The following MAD1L1 variants were observed in gnomAD, a reference collection of about 807,000 sequenced individuals.
MAD1L1 encodes the protein mitotic arrest deficient 1 like 1.
Under a neutral mutation model 96.9 loss-of-function variants are expected in MAD1L1, and 95 were observed. The ratio of observed to expected loss-of-function variants is 0.98; its 90% CI spans 0.83 to 1.16. The LOEUF (loss-of-function observed/expected upper bound fraction) is 1.16. Among genes scored for constraint, MAD1L1 ranks in the 50% most tolerant of loss-of-function variants. MAD1L1 has a pLI of 0.00. For synonymous variants in MAD1L1, 473 were observed against 396.6 expected (o/e 1.19, Z -2.29); for missense variants, 1,007 against 954.4 (o/e 1.06, Z -0.73).
chr7:2,216,260 C>G lies in MAD1L1; in HGVS notation c.706G>C (p.Glu236Gln). 2 of 1,614,122 alleles carry G rather than the reference C, an allele frequency of 1.2e-6. No individual in the cohort carries two copies. The highest frequency in any genetic ancestry group is 2.2e-5 in the East Asian group (1 of 44,886). Reference protein sequence around the residue: ...KDLEQKLSLQEQDAAIVKNMK... With the variant: ...KDLEQKLSLQQQDAAIVKNMK... ...TTCTTCACAATCGCTGCATCCTGCTCTTGCAGGGACAGCTTCTGCTCCAGA... is the reference window on the plus strand; with the variant it reads ...TTCTTCACAATCGCTGCATCCTGCTGTTGCAGGGACAGCTTCTGCTCCAGA... Residue 236 changes from glutamate (E) to glutamine (Q), a missense_variant, in exon 8 of 19, where the codon GAG becomes CAG. Transcript: ENST00000265854.
intron 13 of MAD1L1, among the ~76,000 whole-genome samples, chr7:2,013,530 G>A (rs540031793): frequency 8.5e-5 from 13 of 152,338 alleles, no homozygotes; most frequent in Admixed American, 6.5e-4. Context: ...AGCGAAATTC[G>A]GATCACAACG....
intron 18 of MAD1L1, among the ~76,000 whole-genome samples, chr7:1,865,860 C>T (rs1374210334): frequency 3.9e-5 from 6 of 152,192 alleles, no homozygotes; most frequent in Non-Finnish European, 8.8e-5. Context: ...CTGGGGGCTT[C>T]GGGGCTCCAC....
chr7:1,876,566 G>GGAA (rs1293364733), intron 18 of MAD1L1, among the ~76,000 whole-genome samples: 2 of 152,126 alleles, frequency 1.3e-5, no homozygotes, highest in Admixed American at 6.6e-5. Flanking sequence ...CCAGGAAGGG[G>GGAA]GAAGAGGGTG....
intron 11 of MAD1L1, among the ~76,000 whole-genome samples, chr7:2,091,541 C>T (rs528367587): frequency 5.3e-4 from 81 of 152,278 alleles, no homozygotes; most frequent in African/African-American, 1.9e-3. Context: ...TTTGGGAGGC[C>T]GAGGTGGGCG....
chr7:2,149,567 G>A (rs568310405), intron 10 of MAD1L1, among the ~76,000 whole-genome samples: 4 of 152,326 alleles, frequency 2.6e-5, no homozygotes, highest in Non-Finnish European at 4.4e-5. Flanking sequence ...CCCTGGCACA[G>A]GGGAGGTGCT....
In MAD1L1 at chr7:1,968,975, G is replaced by A. The variant is rs575835580; in HGVS notation, c.1506-11256C>T. Among the ~76,000 whole-genome samples, 4 of 152,362 alleles carry A rather than the reference G, an allele frequency of 2.6e-5. No individual in the cohort carries two copies. The highest frequency in any genetic ancestry group is 2.1e-4 in the South Asian group (1 of 4,832). ...CGCCGGTGACGAGCACCATGGCAGC[G>A]TGAGATGTCAACAGCGAGAGAAACC... On this transcript the variant is annotated intron_variant, in intron 15 of 18. Transcript: ENST00000265854. The surrounding 1 kb of genome is among the most constrained non-coding windows in gnomAD (Gnocchi z 5.6).
chr7:2,071,136 T>A (rs10270935), intron 11 of MAD1L1, among the ~76,000 whole-genome samples: 6,988 of 152,038 alleles, frequency 0.046, 256 homozygotes, highest in African/African-American at 0.096. Context: ...GCTGGGGGGA[T>A]GGCACTTTCT....
At chr7:1,818,670 C>G (rs919156672) in intron 18 of MAD1L1, among the ~76,000 whole-genome samples, 1 of 152,102 alleles carries the variant, frequency 6.6e-6, no homozygotes, top group Non-Finnish European at 1.5e-5. Context: ...CTGCCCACGA[C>G]GTGAGGATTA....
chr7:2,123,653 G>T (rs1011413620), intron 11 of MAD1L1, among the ~76,000 whole-genome samples: 7 of 152,186 alleles, frequency 4.6e-5, no homozygotes, highest in Non-Finnish European at 1.0e-4. Context: ...GAGGACTCAC[G>T]GGGACATGCG....
chr7:2,014,657 G>A lies in MAD1L1; in HGVS notation c.1219-15C>T, dbSNP rs765953176. ...CCGTCCCGCTCCTGTGGACACAGAG[G>A]GCAGCTGATCAGGACCCGGGACGGG... is the stretch of plus-strand genomic sequence containing the variant. On this transcript the variant is annotated splice_polypyrimidine_tract_variant and intron_variant, in intron 12 of 18. Coordinates refer to ENST00000265854, the MANE Select transcript of MAD1L1 (RefSeq NM_001013836.2). 2 of 1,601,930 alleles carry A rather than the reference G, an allele frequency of 1.2e-6. No homozygotes were observed. Among genetic ancestry groups the A allele is most frequent in the African/African-American group, 1.3e-5 (1 of 74,692 alleles).
chr7:1,938,746 G>GCA (rs71023370), intron 16 of MAD1L1, among the ~76,000 whole-genome samples: 3,232 of 99,610 alleles, frequency 0.032, 58 homozygotes, highest in Non-Finnish European at 0.053. Context: ...AGGCGCGCAC[G>GCA]CACACACACA....
At chr7:1,865,164 C>T (rs964061378) in intron 18 of MAD1L1, among the ~76,000 whole-genome samples, 2 of 152,308 alleles carry the variant, frequency 1.3e-5, no homozygotes, top group Middle Eastern at 3.4e-3. Flanking sequence ...GGGGCACATG[C>T]GTGAGGCGTG....
intron 11 of MAD1L1, among the ~76,000 whole-genome samples, chr7:2,097,436 G>A (rs900630355): frequency 1.3e-5 from 2 of 152,120 alleles, no homozygotes; most frequent in Admixed American, 6.5e-5. Flanking sequence ...GTCTCACTCC[G>A]CCCAGGCCTC....
At chr7:1,904,488 C>T (rs371983389) in intron 17 of MAD1L1, among the ~76,000 whole-genome samples, 6 of 130,788 alleles carry the variant, frequency 4.6e-5, no homozygotes, top group Admixed American at 7.3e-5. Flanking sequence ...GCAGCGAGGA[C>T]GCAGTGGCCT....
At chr7:1,841,832 G>C (rs532921866) in intron 18 of MAD1L1, among the ~76,000 whole-genome samples, 1 of 152,332 alleles carries the variant, frequency 6.6e-6, no homozygotes, top group Admixed American at 6.5e-5. Flanking sequence ...CGGGTGCCTC[G>C]CTTCTGCCCT....
intron 18 of MAD1L1, among the ~76,000 whole-genome samples, chr7:1,891,412 G>C (rs1245164676): frequency 6.6e-6 from 1 of 152,156 alleles, no homozygotes; most frequent in South Asian, 2.1e-4. Context: ...TGTAATGCCA[G>C]GTACTCAGGA....
At chr7:1,980,591 TG>T (rs1482321753) in intron 14 of MAD1L1, 50 bp from the exon 15 acceptor site, 1 of 1,482,582 alleles carries the variant, frequency 6.7e-7, no homozygotes, top group East Asian at 2.4e-5. Context: ...CGCACCCAGG[TG>T]TGTGGGGAAC....
intron 12 of MAD1L1, among the ~76,000 whole-genome samples, chr7:2,018,483 C>T (rs1050084225): frequency 7.9e-5 from 12 of 152,218 alleles, no homozygotes; most frequent in Admixed American, 5.2e-4. Flanking sequence ...AGGCGCGTCC[C>T]GCACGATGGG....
At chr7:2,130,588 G>A (rs1016684423) in intron 11 of MAD1L1, among the ~76,000 whole-genome samples, 2 of 152,052 alleles carry the variant, frequency 1.3e-5, no homozygotes, top group Non-Finnish European at 2.9e-5. Flanking sequence ...ACTCCTACTT[G>A]TAAAAGAAAA....
Sources: allele counts gnomAD v4.1 joint callset (sites outside exome capture counted in the v4.1 genomes callset), GRCh38; gene constraint gnomAD v4.1.1; non-coding constraint Gnocchi (gnomAD v3.1); transcripts MANE v1.5; gene names NCBI Gene and HGNC (gene_info 2026-07-23, HGNC 2026-07-21).